TENM2: variants seen among roughly 807,000 people sequenced by gnomAD.
The protein encoded by TENM2 is teneurin transmembrane protein 2, also known as teneurin-2.
A neutral mutation model predicts 245.2 loss-of-function variants in TENM2; 52 were observed. That is an observed-to-expected ratio of 0.21 (90% CI 0.17 to 0.27). The LOEUF (loss-of-function observed/expected upper bound fraction) is 0.27, where lower values mean the gene tolerates loss of function less well. TENM2 is among the 10% of genes least tolerant of loss of function. TENM2 has a pLI of 1.00. For synonymous variants in TENM2, 1,363 were observed against 1,438.9 expected (o/e 0.95, Z 1.19); for missense variants, 3,046 against 3,666.8 (o/e 0.83, Z 4.37).
intron 9 of TENM2, among the ~76,000 whole-genome samples, chr5:168,101,077 G>A (rs954551089): frequency 2.6e-5 from 4 of 152,118 alleles, no homozygotes; most frequent in Admixed American, 6.5e-5. Flanking sequence ...GTGGAGACTG[G>A]ACCTCCTCCT....
the TENM2 span, among the ~76,000 whole-genome samples, chr5:167,064,709 T>C: frequency 6.6e-6 from 1 of 152,222 alleles, no homozygotes; most frequent in Non-Finnish European, 1.5e-5. Context: ...GAACAACTCT[T>C]GAAGTATCCT....
chr5:168,237,723 T>G (rs1765633654), intron 25 of TENM2, among the ~76,000 whole-genome samples: 1 of 150,478 alleles, frequency 6.6e-6, no homozygotes, highest in African/African-American at 2.4e-5. Flanking sequence ...GATGCATTAT[T>G]TAATTATTAT....
At chr5:167,279,452 ATCTT>A in the TENM2 span, among the ~76,000 whole-genome samples, 71 of 149,204 alleles carry the variant, frequency 4.8e-4, no homozygotes, top group African/African-American at 1.4e-3. Flanking sequence ...CTTTCTTTCT[ATCTT>A]TCTTCCTTCC....
the TENM2 span, among the ~76,000 whole-genome samples, chr5:167,260,079 G>C: frequency 3.3e-5 from 5 of 152,108 alleles, no homozygotes; most frequent in Admixed American, 2.0e-4. Flanking sequence ...TAAAATCCTG[G>C]TCAGTTTATC....
At chr5:167,132,219 C>T in the TENM2 span, among the ~76,000 whole-genome samples, 4 of 152,094 alleles carry the variant, frequency 2.6e-5, no homozygotes, top group South Asian at 4.1e-4. Context: ...ATCTCATACA[C>T]GTCTATAAAA....
At chr5:168,246,340 C>G (rs1053296856) in intron 26 of TENM2, among the ~76,000 whole-genome samples, 7 of 152,126 alleles carry the variant, frequency 4.6e-5, no homozygotes, top group African/African-American at 2.4e-5. Context: ...CATTTCTAAG[C>G]AATCTTGGGG....
At chr5:167,368,049 C>G (rs114811559) in intron 1 of TENM2, among the ~76,000 whole-genome samples, 2,863 of 152,044 alleles carry the variant, frequency 0.019, 32 homozygotes, top group African/African-American at 0.037. Context: ...AAGGGATTCT[C>G]TTTGTTTTAG....
chr5:167,961,128 G>A (rs771818379), intron 4 of TENM2, among the ~76,000 whole-genome samples: 5 of 150,286 alleles, frequency 3.3e-5, no homozygotes, highest in South Asian at 4.2e-4. Context: ...GCTGCAGACC[G>A]GAGCTGTTCC....
intron 2 of TENM2, among the ~76,000 whole-genome samples, chr5:167,651,305 G>A (rs1468363767): frequency 6.6e-6 from 1 of 151,942 alleles, no homozygotes; most frequent in Non-Finnish European, 1.5e-5. Flanking sequence ...AAAAATATTT[G>A]TCTGACTCTT....
intron 5 of TENM2, among the ~76,000 whole-genome samples, chr5:168,017,897 C>T (rs938823619): frequency 3.3e-5 from 5 of 152,184 alleles, no homozygotes; most frequent in East Asian, 1.9e-4. Context: ...CCCCTTCTCC[C>T]GTCACTTTCT....
the TENM2 span, among the ~76,000 whole-genome samples, chr5:167,064,721 A>C: frequency 6.6e-6 from 1 of 152,218 alleles, no homozygotes; most frequent in Non-Finnish European, 1.5e-5. Context: ...AAGTATCCTT[A>C]CAGTTATTGA....
At chr5:167,243,416 AG>A in the TENM2 span, among the ~76,000 whole-genome samples, 1 of 152,094 alleles carries the variant, frequency 6.6e-6, no homozygotes, top group African/African-American at 2.4e-5. Flanking sequence ...GATATTTCGA[AG>A]GACATTATTT....
At chr5:167,881,224 C>T (rs1347772233) in intron 3 of TENM2, among the ~76,000 whole-genome samples, 1 of 152,144 alleles carries the variant, frequency 6.6e-6, no homozygotes, top group Non-Finnish European at 1.5e-5. Context: ...TTAGGATTCC[C>T]TGAATAGCTC....
chr5:168,057,390 T>C (rs1789640937), intron 6 of TENM2, among the ~76,000 whole-genome samples: 1 of 151,890 alleles, frequency 6.6e-6, no homozygotes, highest in Admixed American at 6.6e-5. Flanking sequence ...CCTGACCCAC[T>C]CTGAGACCAC....
chr5:167,391,935 G>A (rs1581920401), intron 2 of TENM2, among the ~76,000 whole-genome samples: 3 of 152,086 alleles, frequency 2.0e-5, no homozygotes, highest in Non-Finnish European at 2.9e-5. Context: ...GAGAAGAGGA[G>A]GGAGCCAGGA....
chr5:167,335,173 G>A (rs938642020), intron 1 of TENM2, among the ~76,000 whole-genome samples: 4 of 152,180 alleles, frequency 2.6e-5, no homozygotes, highest in Admixed American at 2.0e-4. Context: ...TTGACTCATG[G>A]CAGAAGGCAA....
the TENM2 span, among the ~76,000 whole-genome samples, chr5:167,103,299 C>T: frequency 1.3e-5 from 2 of 152,182 alleles, no homozygotes; most frequent in African/African-American, 4.8e-5. Flanking sequence ...GTATTCTATA[C>T]ATTTATATTG....
Position 168,183,184 on chromosome 5 carries a change from G to T in TENM2, c.2570-7153G>T, listed in dbSNP as rs181732043. Among the ~76,000 whole-genome samples, 284 of 152,240 alleles carry T rather than the reference G, an allele frequency of 1.9e-3. 2 individuals are homozygous for T. Among genetic ancestry groups the T allele is most frequent in the African/African-American group, 6.6e-3 (276 of 41,548 alleles). Reference sequence around the variant, plus strand: ...TCACCCCCACTCCTGTGCATGTAGGGTCAATAAGATGCCCCAAATTGTTTT... The same window carrying T: ...TCACCCCCACTCCTGTGCATGTAGGTTCAATAAGATGCCCCAAATTGTTTT... On this transcript the variant is annotated intron_variant, in intron 13 of 28. Transcript: ENST00000518659.
chr5:167,171,494 G>A, the TENM2 span, among the ~76,000 whole-genome samples: 1 of 152,184 alleles, frequency 6.6e-6, no homozygotes, highest in Non-Finnish European at 1.5e-5. Context: ...TACATATGAA[G>A]CCATAGGCAG....
Sources: gnomAD v4.1 joint callset for allele counts (sites outside exome capture counted in the v4.1 genomes callset) on GRCh38, gnomAD v4.1.1 for gene constraint, MANE v1.5 for transcripts, NCBI Gene and HGNC (gene_info 2026-07-23, HGNC 2026-07-21) for gene names.